The following ZBTB16 variants were observed in gnomAD, a reference collection of about 807,000 sequenced individuals.
ZBTB16 encodes zinc finger and BTB domain-containing protein 16.
In ZBTB16, 8 loss-of-function variants were observed where a neutral mutation model predicts 56.8. That is an observed-to-expected ratio of 0.14 (90% CI 0.08 to 0.25). The LOEUF (loss-of-function observed/expected upper bound fraction) is 0.25, where lower values mean the gene tolerates loss of function less well. Among genes scored for constraint, ZBTB16 ranks in the 10% least tolerant of loss-of-function variants. The pLI is 1.00. For missense variants in ZBTB16, 625 were observed against 903.0 expected, an observed-to-expected ratio of 0.69 and a Z score of 3.95; for synonymous variants, 363 against 368.5, an observed-to-expected ratio of 0.98 and a Z score of 0.17.
At chr11:114,209,185 G>A (rs1395832270) in intron 4 of ZBTB16, among the ~76,000 whole-genome samples, 2 of 152,204 alleles carry the variant, frequency 1.3e-5, no homozygotes, top group Non-Finnish European at 2.9e-5. Flanking sequence ...AACTCTGGTG[G>A]GGTGAGTGGG....
At chr11:114,159,928 C>T (rs1017582662) in intron 3 of ZBTB16, among the ~76,000 whole-genome samples, 4 of 49,006 alleles carry the variant, frequency 8.2e-5, no homozygotes, top group Non-Finnish European at 1.0e-4. Flanking sequence ...GAACCCTGGG[C>T]GGGGGAGGCG....
chr11:114,180,191 G>A (rs1049271027), intron 3 of ZBTB16, among the ~76,000 whole-genome samples: 1 of 152,190 alleles, frequency 6.6e-6, no homozygotes, highest in Non-Finnish European at 1.5e-5. Flanking sequence ...GGAAAAAGGG[G>A]AGAAGAGTAG....
chr11:114,079,097 CATT>C (rs1207328331), intron 2 of ZBTB16, among the ~76,000 whole-genome samples: 11 of 120,950 alleles, frequency 9.1e-5, no homozygotes, highest in Non-Finnish European at 1.8e-4. Context: ...GACTTTGTCT[CATT>C]AAAAAAAAAA....
chr11:114,157,426 C>T (rs1259442853), intron 3 of ZBTB16, among the ~76,000 whole-genome samples: 2 of 152,166 alleles, frequency 1.3e-5, no homozygotes, highest in East Asian at 1.9e-4. Flanking sequence ...ACAGAATATA[C>T]GTTGAAGGCA....
intron 3 of ZBTB16, among the ~76,000 whole-genome samples, chr11:114,165,043 C>T (rs1449162455): frequency 6.6e-6 from 1 of 152,104 alleles, no homozygotes; most frequent in East Asian, 1.9e-4. Flanking sequence ...CTCTCTCTTT[C>T]TCTGTCTTTG....
chr11:114,109,337 C>T (rs1208378524), intron 2 of ZBTB16, among the ~76,000 whole-genome samples: 1 of 152,216 alleles, frequency 6.6e-6, no homozygotes, highest in African/African-American at 2.4e-5. Flanking sequence ...TGAGGTGTGA[C>T]ATCTTCTTTG....
rs11827929 is a variant in ZBTB16, at chr11:114,191,616, C to T, written c.1453+4578C>T. Among the ~76,000 whole-genome samples the T allele has an allele frequency of 9.3e-3, 1,417 of 152,328 alleles. 16 individuals are homozygous for T. Among genetic ancestry groups the T allele is most frequent in the African/African-American group, 0.032 (1,343 of 41,580 alleles). ...TGCCTGCACATTGACTGAGTGTTGT[C>T]CGTGGGCTAAAAGGCTCAGGATCAT... On this transcript the variant is annotated intron_variant, in intron 4 of 6. Coordinates refer to ENST00000335953, the MANE Select transcript of ZBTB16 (RefSeq NM_006006.6).
chr11:114,227,297 C>T (rs1174412927), intron 4 of ZBTB16, among the ~76,000 whole-genome samples: 1 of 152,212 alleles, frequency 6.6e-6, no homozygotes, highest in Admixed American at 6.5e-5. Context: ...CATCCACCTC[C>T]TGGGCCCCAT....
At position 114,237,519 on chromosome 11, in the gene ZBTB16, G is replaced by C. The variant is rs145175253; in HGVS notation, c.1454-4648G>C. Among the ~76,000 whole-genome samples the C allele has an allele frequency of 2.9e-3, 436 of 152,348 alleles. 3 individuals are homozygous for C. Among genetic ancestry groups the C allele is most frequent in the African/African-American group, 9.7e-3 (402 of 41,584 alleles). On this transcript the variant is annotated intron_variant, in intron 4 of 6. Coordinates refer to ENST00000335953, the MANE Select transcript of ZBTB16 (RefSeq NM_006006.6). ...GAACCCAGGCGTTGAAGGGAGCAGA[G>C]CGTTCCAGTGCTGCCGGGCCCCCCT...
intron 2 of ZBTB16, among the ~76,000 whole-genome samples, chr11:114,075,481 G>C (rs749605239): frequency 1.3e-4 from 20 of 151,534 alleles, no homozygotes; most frequent in Admixed American, 9.9e-4. Context: ...TCTTGAGACA[G>C]AGTCCTACTT....
At chr11:114,153,446 G>A (rs1942325439) in intron 2 of ZBTB16, among the ~76,000 whole-genome samples, 1 of 152,222 alleles carries the variant, frequency 6.6e-6, no homozygotes, top group Admixed American at 6.5e-5. Context: ...ACCTTACCCT[G>A]AGGATTAGAC....
chr11:114,158,935 T>G (rs1942499414), intron 3 of ZBTB16, among the ~76,000 whole-genome samples: 1 of 152,240 alleles, frequency 6.6e-6, no homozygotes, highest in South Asian at 2.1e-4. Context: ...TAGGAACTGT[T>G]TATGTCCTAA....
rs571078209 is a variant in ZBTB16 at position 114,191,832 on chromosome 11, C to G, written c.1453+4794C>G. On this transcript the variant is annotated intron_variant, in intron 4 of 6. Coordinates refer to ENST00000335953, the MANE Select transcript of ZBTB16 (RefSeq NM_006006.6). Reference sequence around the variant, plus strand: ...TTTACTGAGATATAATACATATACACACACAGATGTGCATTTATAGGGAAG... The same window carrying G: ...TTTACTGAGATATAATACATATACAGACACAGATGTGCATTTATAGGGAAG... Among the ~76,000 whole-genome samples the G allele has an allele frequency of 2.6e-5, 4 of 152,224 alleles. No homozygotes were observed. The East Asian group carries it at 7.7e-4, about 29-fold the overall frequency.
At position 114,064,609 on chromosome 11, in the gene ZBTB16, G is replaced by A; in HGVS notation, c.1268+41G>A. 1.9e-6 allele frequency: 3 copies of A among 1,608,762 alleles called. No individual in the cohort carries two copies. Among genetic ancestry groups the A allele is most frequent in the Non-Finnish European group, 2.5e-6 (3 of 1,178,722 alleles). On this transcript the variant is annotated intron_variant, in intron 2 of 6. Transcript: ENST00000335953. The surrounding 1 kb of genome is among the most constrained non-coding windows in gnomAD (Gnocchi z 4.2). ...GCCCCGCACCTGATGTAGGACTTGAGGCCCTCACACCCCTCCTTCACACCC... is the reference window on the plus strand; with the variant it reads ...GCCCCGCACCTGATGTAGGACTTGAAGCCCTCACACCCCTCCTTCACACCC...
rs76525012 is a variant in ZBTB16 at position 114,113,340 on chromosome 11, T to C, written c.1269-42997T>C. 7.2e-3 allele frequency among the ~76,000 whole-genome samples: 1,094 copies of C among 152,266 alleles called. 14 individuals are homozygous for C. Among genetic ancestry groups the C allele is most frequent in the African/African-American group, 0.023 (976 of 41,544 alleles). On this transcript the variant is annotated intron_variant, in intron 2 of 6. Transcript: ENST00000335953. ...CATTCTTCAAAAGAGATATTTGGGG[T>C]CTTGAAGTCCAACACTTCGGGTATT...
At chr11:114,123,414 A>G (rs1941398993) in intron 2 of ZBTB16, among the ~76,000 whole-genome samples, 1 of 152,202 alleles carries the variant, frequency 6.6e-6, no homozygotes, top group South Asian at 2.1e-4. Context: ...GTCGAACTCA[A>G]ACACATTGCA....
At chr11:114,170,939 A>G (rs759062087) in intron 3 of ZBTB16, among the ~76,000 whole-genome samples, 4 of 152,240 alleles carry the variant, frequency 2.6e-5, no homozygotes, top group Non-Finnish European at 5.9e-5. Flanking sequence ...GGAGGCTACT[A>G]TCTTGCCTGA....
At chr11:114,185,725 A>C (rs1376643884) in intron 3 of ZBTB16, among the ~76,000 whole-genome samples, 1 of 152,190 alleles carries the variant, frequency 6.6e-6, no homozygotes, top group Non-Finnish European at 1.5e-5. Flanking sequence ...GGAAGAATGC[A>C]TCTACCAGAC....
intron 4 of ZBTB16, among the ~76,000 whole-genome samples, chr11:114,200,012 C>A (rs553804506): frequency 6.6e-6 from 1 of 151,764 alleles, no homozygotes; most frequent in Non-Finnish European, 1.5e-5. Flanking sequence ...CCTGTAGTCC[C>A]AGCTACTTGG....
Sources: gnomAD v4.1 joint callset for allele counts (sites outside exome capture counted in the v4.1 genomes callset) on GRCh38, gnomAD v4.1.1 for gene constraint, Gnocchi (gnomAD v3.1) non-coding constraint, MANE v1.5 for transcripts, NCBI Gene and HGNC (gene_info 2026-07-23, HGNC 2026-07-21) for gene names.